PPP3CC: variants seen among roughly 807,000 people sequenced by gnomAD.
PPP3CC encodes the protein serine/threonine-protein phosphatase 2B catalytic subunit gamma isoform.
PPP3CC carries 35 observed loss-of-function variants against 60.3 expected under a neutral mutation model. That is an observed-to-expected ratio of 0.58 (90% confidence interval 0.44 to 0.77). The LOEUF (loss-of-function observed/expected upper bound fraction) is 0.77. Among genes scored for constraint, PPP3CC ranks in the 30% least tolerant of loss-of-function variants. The probability of loss-of-function intolerance (pLI) is 0.00; values close to 1 mark genes in which losing one functional copy is unlikely to be tolerated. For synonymous variants in PPP3CC, 206 were observed against 224.3 expected (o/e 0.92, Z 0.73); for missense variants, 570 against 628.9 (o/e 0.91, Z 1.00).
intron 1 of PPP3CC, among the ~76,000 whole-genome samples, chr8:22,473,655 G>C (rs974586419): frequency 1.3e-5 from 2 of 151,774 alleles, no homozygotes; most frequent in Non-Finnish European, 2.9e-5. Context: ...GTAAAGACAG[G>C]GTTTCACCAT....
At chr8:22,524,189 A>G (rs1839480469) in intron 8 of PPP3CC, among the ~76,000 whole-genome samples, 1 of 152,228 alleles carries the variant, frequency 6.6e-6, no homozygotes, top group Admixed American at 6.5e-5. Flanking sequence ...TCATCTGATA[A>G]AAAGGTCTGG....
At chr8:22,450,033 AT>A (rs934190741) in intron 1 of PPP3CC, among the ~76,000 whole-genome samples, 5 of 150,502 alleles carry the variant, frequency 3.3e-5, no homozygotes, top group East Asian at 1.9e-4. Flanking sequence ...CACCCAGCTA[AT>A]TTTTTTTTGT....
intron 4 of PPP3CC, among the ~76,000 whole-genome samples, chr8:22,500,183 CA>C (rs904965965): frequency 1.6e-3 from 237 of 151,854 alleles, no homozygotes; most frequent in African/African-American, 5.5e-3. Flanking sequence ...GGTTATACGC[CA>C]AAAAAATTTT....
In PPP3CC at chr8:22,441,317, C is replaced by G. The variant is rs767477531; in HGVS notation, c.-93C>G. On this transcript the variant is annotated 5_prime_UTR_variant, in exon 1 of 14. Transcript: ENST00000240139. Reference sequence around the variant, plus strand: ...GCCGGGCACGGCTGGCTGACGGCTCCGGGCAGCTAAGGCTGCCCGAGGAGA... The same window carrying G: ...GCCGGGCACGGCTGGCTGACGGCTCGGGGCAGCTAAGGCTGCCCGAGGAGA... 1 of 1,299,244 alleles carries G rather than the reference C, an allele frequency of 7.7e-7. No homozygotes were observed. Among genetic ancestry groups the G allele is most frequent in the South Asian group, 1.5e-5 (1 of 67,290 alleles). 80.5% of individuals were successfully genotyped at this position (1,299,244 alleles called of 1,614,324 possible). A position where few individuals can be genotyped will look rare whatever the true frequency, so the allele number is the denominator to read the frequency against.
At chr8:22,478,262 C>T (rs116352743) in intron 3 of PPP3CC, among the ~76,000 whole-genome samples, 2,925 of 151,716 alleles carry the variant, frequency 0.019, 56 homozygotes, top group East Asian at 0.084. Context: ...AAGCAGTTCT[C>T]TGCCTCTGCC....
intron 8 of PPP3CC, among the ~76,000 whole-genome samples, chr8:22,526,290 G>T (rs1225272853): frequency 6.6e-6 from 1 of 152,114 alleles, no homozygotes; most frequent in Non-Finnish European, 1.5e-5. Context: ...AGTTTTATAA[G>T]CTCTTGTTTC....
At chr8:22,502,846 G>A (rs892817145) in intron 4 of PPP3CC, among the ~76,000 whole-genome samples, 1 of 152,054 alleles carries the variant, frequency 6.6e-6, no homozygotes, top group Non-Finnish European at 1.5e-5. Context: ...TGGGAGGTTG[G>A]GTTAGGAGGA....
chr8:22,486,931 T>C (rs1473863139), intron 3 of PPP3CC, among the ~76,000 whole-genome samples: 2 of 152,156 alleles, frequency 1.3e-5, no homozygotes, highest in East Asian at 3.9e-4. Context: ...GGTTTCACCA[T>C]GTTGGCCAGG....
At chr8:22,481,294 C>A (rs1390276024) in intron 3 of PPP3CC, among the ~76,000 whole-genome samples, 3 of 151,582 alleles carry the variant, frequency 2.0e-5, no homozygotes, top group Non-Finnish European at 4.4e-5. Context: ...AAGATCGCGC[C>A]ACTGCACTGC....
At chr8:22,450,556 C>G (rs757332671) in intron 1 of PPP3CC, among the ~76,000 whole-genome samples, 4 of 152,178 alleles carry the variant, frequency 2.6e-5, no homozygotes, top group Non-Finnish European at 5.9e-5. Context: ...ATCCTATTCT[C>G]ACACCTTTTG....
chr8:22,460,150 T>C (rs1837324384), intron 1 of PPP3CC, among the ~76,000 whole-genome samples: 1 of 152,092 alleles, frequency 6.6e-6, no homozygotes, highest in African/African-American at 2.4e-5. Flanking sequence ...GTTTTTGTGG[T>C]GGTTATTGTT....
intron 3 of PPP3CC, among the ~76,000 whole-genome samples, chr8:22,488,844 T>C (rs531694315): frequency 1.3e-5 from 2 of 152,124 alleles, no homozygotes; most frequent in Non-Finnish European, 2.9e-5. Flanking sequence ...ACAACCAGTG[T>C]AAAAGCTTAC....
At chr8:22,523,596 C>G (rs1039403374) in intron 8 of PPP3CC, 2 of 443,396 alleles carry the variant, frequency 4.5e-6, no homozygotes, top group African/African-American at 4.0e-5. Context: ...CAATGCTGTC[C>G]TTGTTCAAAA....
At chr8:22,488,923 T>TA (rs1838301313) in intron 3 of PPP3CC, among the ~76,000 whole-genome samples, 1 of 151,758 alleles carries the variant, frequency 6.6e-6, no homozygotes, top group Non-Finnish European at 1.5e-5. Context: ...GAATAATGAG[T>TA]AAGGGAGAGA....
intron 4 of PPP3CC, among the ~76,000 whole-genome samples, chr8:22,498,674 A>T (rs1196640686): frequency 6.6e-6 from 1 of 152,196 alleles, no homozygotes; most frequent in Non-Finnish European, 1.5e-5. Flanking sequence ...AGTATTTTTG[A>T]CAACATGGTT....
At chr8:22,502,999 C>T (rs1195243726) in intron 4 of PPP3CC, among the ~76,000 whole-genome samples, 3 of 152,088 alleles carry the variant, frequency 2.0e-5, no homozygotes, top group African/African-American at 4.8e-5. Flanking sequence ...TGCATGCCAT[C>T]GCGCATGGCT....
chr8:22,477,110 T>G (rs968086857), intron 3 of PPP3CC, among the ~76,000 whole-genome samples: 1 of 152,164 alleles, frequency 6.6e-6, no homozygotes, highest in Non-Finnish European at 1.5e-5. Flanking sequence ...AGATTATCCT[T>G]GCAGACTGTA....
At chr8:22,459,871 A>G (rs1837316286) in intron 1 of PPP3CC, among the ~76,000 whole-genome samples, 1 of 152,200 alleles carries the variant, frequency 6.6e-6, no homozygotes, top group African/African-American at 2.4e-5. Flanking sequence ...GATAGGTCAT[A>G]GAAGGCATGA....
chr8:22,503,098 A>T (rs1007925720), intron 4 of PPP3CC, among the ~76,000 whole-genome samples: 30 of 152,208 alleles, frequency 2.0e-4, no homozygotes, highest in African/African-American at 7.2e-4. Flanking sequence ...TTATTTTTCA[A>T]ATTGGTAATT....
Sources: allele counts gnomAD v4.1 joint callset (sites outside exome capture counted in the v4.1 genomes callset), GRCh38; gene constraint gnomAD v4.1.1; transcripts MANE v1.5; gene names NCBI Gene and HGNC (gene_info 2026-07-23, HGNC 2026-07-21).